The following MRAP2 variants were observed in gnomAD, a reference collection of about 807,000 sequenced individuals.
The protein encoded by MRAP2 is melanocortin-2 receptor accessory protein 2.
In MRAP2, 20 loss-of-function variants were observed where a neutral mutation model predicts 17.4. The observed-to-expected ratio is 1.15, with a 90% CI of 0.81 to 1.67. The LOEUF is 1.67. MRAP2 is among the 40% of genes most tolerant of loss of function. The pLI is 0.00. For missense variants in MRAP2, 238 were observed against 240.0 expected, an observed-to-expected ratio of 0.99 and a Z score of 0.05; for synonymous variants, 96 against 88.4, an observed-to-expected ratio of 1.09 and a Z score of -0.48.
intron 3 of MRAP2, among the ~76,000 whole-genome samples, chr6:84,064,693 T>G (rs976579194): frequency 1.1e-4 from 17 of 152,134 alleles, no homozygotes; most frequent in African/African-American, 3.4e-4. Context: ...TTCACCATGT[T>G]AGCCAGGATG....
At chr6:84,038,343 G>A (rs923425803) in intron 1 of MRAP2, among the ~76,000 whole-genome samples, 1 of 152,186 alleles carries the variant, frequency 6.6e-6, no homozygotes, top group Non-Finnish European at 1.5e-5. Context: ...TAGAAAAGAA[G>A]TTTACCTTCC....
chr6:84,076,968 A>T (rs557030370), intron 3 of MRAP2, among the ~76,000 whole-genome samples: 29 of 152,304 alleles, frequency 1.9e-4, no homozygotes, highest in African/African-American at 6.5e-4. Flanking sequence ...AACACCAGAG[A>T]AGCTGTGCCT....
chr6:84,078,824 A>G (rs149268403), intron 3 of MRAP2, among the ~76,000 whole-genome samples: 8 of 152,196 alleles, frequency 5.3e-5, no homozygotes, highest in African/African-American at 1.7e-4. Context: ...AGCCCTAACC[A>G]GAAGCCAGGG....
chr6:84,108,050 C>T, the MRAP2 span, among the ~76,000 whole-genome samples: 6 of 152,198 alleles, frequency 3.9e-5, no homozygotes, highest in Non-Finnish European at 7.3e-5. Flanking sequence ...GATGTATGCA[C>T]AGCATTTAGT....
Position 84,035,071 on chromosome 6 carries a change from A to T in MRAP2, c.-8+1188A>T, listed in dbSNP as rs115784077. ...GAGGAAGATCATCCAGTGTTTATGG[A>T]AGAATAGATAATATTAACAGGTGAT... On this transcript the variant is annotated intron_variant, in intron 1 of 3. Transcript: ENST00000257776. 2.3e-3 allele frequency among the ~76,000 whole-genome samples: 345 copies of T among 152,330 alleles called. 2 individuals carry two copies. The highest frequency in any genetic ancestry group is 7.7e-3 in the African/African-American group (321 of 41,574).
rs1313049122 is a variant in MRAP2 at position 84,071,861 on chromosome 6, A to G, written c.227+8869A>G. Among the ~76,000 whole-genome samples, 5 of 152,066 alleles carry G rather than the reference A, an allele frequency of 3.3e-5. 1 individual carries two copies. The highest frequency in any genetic ancestry group is 7.4e-5 in the Non-Finnish European group (5 of 68,020). ...TGAATTTCTTTCTTCTACTTGTTCA[A>G]TTCTATTGCTCAGACTTTCCAGAGC... is the stretch of plus-strand genomic sequence containing the variant. On this transcript the variant is annotated intron_variant, in intron 3 of 3. Coordinates refer to ENST00000257776, the MANE Select transcript of MRAP2 (RefSeq NM_138409.4).
the MRAP2 span, chr6:84,124,810 C>G: frequency 2.3e-6 from 1 of 439,042 alleles, no homozygotes; most frequent in Admixed American, 4.4e-5. Flanking sequence ...TTCTAGCATA[C>G]AAGTGAGCCC....
rs2099487744 is a variant in MRAP2, at chr6:84,042,107, C to T, written c.-8+8224C>T. ...GGGGCAGTTATCCCCATGCTGTTCT[C>T]CTGATAGTGAGTGAGTTCTCATGAG... On this transcript the variant is annotated intron_variant, in intron 1 of 3. Transcript: ENST00000257776. Among the ~76,000 whole-genome samples the T allele has an allele frequency of 3.3e-5, 5 of 152,234 alleles. No homozygotes were observed. In the South Asian group the frequency reaches 1.0e-3, roughly 32 times the overall value.
chr6:84,125,152 A>G, the MRAP2 span: 1 of 1,613,560 alleles, frequency 6.2e-7, no homozygotes, highest in Middle Eastern at 1.6e-4. Flanking sequence ...GAGAACATCT[A>G]ATATTGAGTC....
chr6:84,089,220 C>T lies in MRAP2; in HGVS notation c.357C>T (p.Tyr119=). 6.2e-7 allele frequency: 1 copy of T among 1,614,196 alleles called. No homozygotes were observed. Among genetic ancestry groups the T allele is most frequent in the Non-Finnish European group, 8.5e-7 (1 of 1,180,046 alleles). Residue 119 remains tyrosine, a synonymous_variant, in exon 4 of 4, where the codon TAC becomes TAT. Coordinates refer to ENST00000257776, the MANE Select transcript of MRAP2 (RefSeq NM_138409.4). The part of the protein sequence containing the change: ...NEESRSLFHC[Y]INEVERLDRA... ...AGTCCAGGTCTCTCTTTCACTGCTACATCAATGAGGTGGAACGCTTGGACA... is the reference window on the plus strand; with the variant it reads ...AGTCCAGGTCTCTCTTTCACTGCTATATCAATGAGGTGGAACGCTTGGACA...
At chr6:84,046,165 GTGTTTAAGA>G (rs1562872411) in intron 1 of MRAP2, among the ~76,000 whole-genome samples, 1 of 152,156 alleles carries the variant, frequency 6.6e-6, no homozygotes, top group Non-Finnish European at 1.5e-5. Flanking sequence ...TACTTAGAGG[GTGTTTAAGA>G]TAACTGTCTA....
chr6:84,063,469 G>C (rs559003390), intron 3 of MRAP2: 4 of 966,398 alleles, frequency 4.1e-6, no homozygotes, highest in Non-Finnish European at 4.9e-6. Flanking sequence ...AAATTTAACA[G>C]AGTTTTCTTA....
chr6:84,124,785 T>G, the MRAP2 span: 2 of 373,424 alleles, frequency 5.4e-6, no homozygotes, highest in Non-Finnish European at 9.5e-6. Flanking sequence ...ATGTTCAATT[T>G]TCTTTTCTTT....
At chr6:84,106,323 C>T in the MRAP2 span, among the ~76,000 whole-genome samples, 5 of 152,184 alleles carry the variant, frequency 3.3e-5, no homozygotes, top group African/African-American at 4.8e-5. Flanking sequence ...GCATTACATG[C>T]AGGAAAGGCA....
At chr6:84,104,729 A>G in the MRAP2 span, among the ~76,000 whole-genome samples, 2 of 152,196 alleles carry the variant, frequency 1.3e-5, no homozygotes, top group South Asian at 2.1e-4. Flanking sequence ...TTAGCCAGGC[A>G]TGGTGGTGGG....
intron 1 of MRAP2, among the ~76,000 whole-genome samples, chr6:84,052,343 G>A (rs568088485): frequency 7.2e-5 from 11 of 152,206 alleles, no homozygotes; most frequent in Non-Finnish European, 2.9e-5. Flanking sequence ...GTGGGTGGCC[G>A]AGATCATGCA....
intron 2 of MRAP2, 98 bp from the exon 3 acceptor site, chr6:84,062,795 G>T: frequency 6.4e-7 from 1 of 1,560,558 alleles, no homozygotes; most frequent in Admixed American, 1.8e-5. Flanking sequence ...TTCCTTTCAT[G>T]TTTCATGTAC....
intron 2 of MRAP2, among the ~76,000 whole-genome samples, chr6:84,058,074 C>A (rs1039296491): frequency 3.9e-5 from 6 of 151,970 alleles, no homozygotes; most frequent in African/African-American, 1.5e-4. Context: ...CATGGGGGGG[C>A]CTTAGAGGTC....
At chr6:84,055,526 A>C in intron 2 of MRAP2, 81 bp downstream of exon 2, 2 of 1,411,658 alleles carry the variant, frequency 1.4e-6, no homozygotes, top group Non-Finnish European at 2.0e-6. Flanking sequence ...ACTTCTCCTG[A>C]GCATTCTTTC....
Sources: allele counts gnomAD v4.1 joint callset (sites outside exome capture counted in the v4.1 genomes callset), GRCh38; gene constraint gnomAD v4.1.1; transcripts MANE v1.5; gene names NCBI Gene and HGNC (gene_info 2026-07-23, HGNC 2026-07-21).